The following HYCC2 variants were observed in gnomAD, a reference collection of about 807,000 sequenced individuals.
HYCC2 encodes hyccin 2.
chr2:201,050,153 G>A, the HYCC2 span, among the ~76,000 whole-genome samples: 2 of 151,452 alleles, frequency 1.3e-5, no homozygotes, highest in African/African-American at 2.4e-5. Flanking sequence ...GTTTAAGGCT[G>A]TAGTGAGCCA....
At chr2:201,003,438 C>T in the HYCC2 span, among the ~76,000 whole-genome samples, 1 of 152,132 alleles carries the variant, frequency 6.6e-6, no homozygotes, top group African/African-American at 2.4e-5. Context: ...GAGCTGAGAT[C>T]GCACCACTGC....
At chr2:200,995,650 TAC>T in the HYCC2 span, among the ~76,000 whole-genome samples, 2 of 152,198 alleles carry the variant, frequency 1.3e-5, 1 homozygote, top group African/African-American at 4.8e-5. Context: ...CCCTCAGTCC[TAC>T]AGCCACAGGA....
the HYCC2 span, among the ~76,000 whole-genome samples, chr2:201,058,280 A>C: frequency 1.3e-5 from 2 of 152,240 alleles, no homozygotes; most frequent in African/African-American, 2.4e-5. Context: ...TAAAACTCAT[A>C]AACTTTGATA....
the HYCC2 span, among the ~76,000 whole-genome samples, chr2:201,045,292 C>T: frequency 7.9e-5 from 12 of 151,954 alleles, no homozygotes; most frequent in African/African-American, 2.7e-4. Context: ...GTTTAGATAA[C>T]AGAAAGGTTT....
At chr2:200,988,368 T>C in the HYCC2 span, 2 of 1,613,728 alleles carry the variant, frequency 1.2e-6, no homozygotes, top group East Asian at 2.2e-5. Context: ...TCTGGCCTTC[T>C]TGTGTAGAAT....
the HYCC2 span, among the ~76,000 whole-genome samples, chr2:201,028,435 C>A: frequency 6.6e-6 from 1 of 152,192 alleles, no homozygotes; most frequent in Non-Finnish European, 1.5e-5. Flanking sequence ...CTACCAATGA[C>A]TTTCTTCACA....
At chr2:201,019,063 A>C in the HYCC2 span, among the ~76,000 whole-genome samples, 1 of 152,220 alleles carries the variant, frequency 6.6e-6, no homozygotes, top group South Asian at 2.1e-4. Flanking sequence ...AACTTTTGGA[A>C]ACTGTCAGTT....
the HYCC2 span, among the ~76,000 whole-genome samples, chr2:201,018,169 A>G: frequency 1.3e-5 from 2 of 152,176 alleles, no homozygotes; most frequent in African/African-American, 4.8e-5. Flanking sequence ...TTCATGACCT[A>G]GAAAACTGAA....
At chr2:200,978,464 C>CTTTTTTT in the HYCC2 span, 1 of 75,320 alleles carries the variant, frequency 1.3e-5, no homozygotes, top group Non-Finnish European at 2.5e-5. Flanking sequence ...CTAAGATGAA[C>CTTTTTTT]TTTTTTTTTT....
chr2:201,063,061 C>G, the HYCC2 span: 1 of 1,607,268 alleles, frequency 6.2e-7, no homozygotes. Context: ...GAAGAAGCAT[C>G]GTTAAAGTCT....
the HYCC2 span, among the ~76,000 whole-genome samples, chr2:200,986,879 T>C: frequency 6.6e-6 from 1 of 152,324 alleles, no homozygotes; most frequent in East Asian, 1.9e-4. Context: ...GAATTACAGA[T>C]AAATCAGCTG....
the HYCC2 span, chr2:200,996,008 C>G: frequency 6.6e-6 from 1 of 150,692 alleles, no homozygotes; most frequent in Admixed American, 6.6e-5. Context: ...TAATTTGTAT[C>G]ACTTAAATTT....
At chr2:200,994,363 G>A in the HYCC2 span, among the ~76,000 whole-genome samples, 5 of 151,892 alleles carry the variant, frequency 3.3e-5, no homozygotes, top group Admixed American at 6.6e-5. Context: ...TCAGCCTCCC[G>A]AGTAGCCTCC....
At chr2:201,040,070 A>AG in the HYCC2 span, among the ~76,000 whole-genome samples, 1 of 151,712 alleles carries the variant, frequency 6.6e-6, no homozygotes, top group Admixed American at 6.6e-5. Flanking sequence ...GCTACTTGGG[A>AG]GGCTGGGGCA....
chr2:201,055,587 T>C, the HYCC2 span, among the ~76,000 whole-genome samples: 1 of 152,112 alleles, frequency 6.6e-6, no homozygotes, highest in Non-Finnish European at 1.5e-5. Context: ...TAGTTCCAGC[T>C]ACTCCAGGGA....
At chr2:200,997,446 T>C in the HYCC2 span, 1 of 1,590,116 alleles carries the variant, frequency 6.3e-7, no homozygotes, top group Non-Finnish European at 8.6e-7. Flanking sequence ...TCTTCTCACC[T>C]GGAACCCATC....
the HYCC2 span, among the ~76,000 whole-genome samples, chr2:201,060,405 T>C: frequency 6.6e-6 from 1 of 152,206 alleles, no homozygotes; most frequent in East Asian, 1.9e-4. Context: ...AGAAGTGTTG[T>C]GTAGGAAATT....
the HYCC2 span, chr2:200,979,634 A>G: frequency 6.6e-6 from 1 of 152,634 alleles, no homozygotes. Context: ...CTTGCTTTCT[A>G]TAAATTCAGT....
At chr2:201,025,131 A>AAATG in the HYCC2 span, among the ~76,000 whole-genome samples, 1 of 152,052 alleles carries the variant, frequency 6.6e-6, no homozygotes, top group Non-Finnish European at 1.5e-5. Flanking sequence ...ATAAATAAAT[A>AAATG]AATGCACTAG....
Sources: gnomAD v4.1 joint callset for allele counts (sites outside exome capture counted in the v4.1 genomes callset) on GRCh38, gnomAD v4.1.1 for gene constraint, MANE v1.5 for transcripts, NCBI Gene and HGNC (gene_info 2026-07-23, HGNC 2026-07-21) for gene names.